The following CTNNA3 variants were observed in gnomAD, a reference collection of about 807,000 sequenced individuals.
CTNNA3 encodes the protein catenin alpha 3, also known as catenin alpha-3.
CTNNA3 carries 76 observed loss-of-function variants against 95.7 expected under a neutral mutation model. The ratio of observed to expected loss-of-function variants is 0.79; its 90% confidence interval spans 0.66 to 0.96. The LOEUF is 0.96. CTNNA3 is among the 40% of genes least tolerant of loss of function. The pLI, the probability that CTNNA3 is intolerant of heterozygous loss-of-function variation, is 0.00. For synonymous variants in CTNNA3, 431 were observed against 374.4 expected (o/e 1.15, Z -1.74); for missense variants, 1,191 against 1,089.8 (o/e 1.09, Z -1.31).
At chr10:66,732,734 A>T (rs1849000453) in intron 9 of CTNNA3, among the ~76,000 whole-genome samples, 1 of 152,072 alleles carries the variant, frequency 6.6e-6, no homozygotes, top group Admixed American at 6.5e-5. Flanking sequence ...TGGAAAATAC[A>T]ATTCAAGATG....
At chr10:66,794,657 A>G (rs1841119307) in intron 7 of CTNNA3, among the ~76,000 whole-genome samples, 2 of 152,138 alleles carry the variant, frequency 1.3e-5, no homozygotes, top group Non-Finnish European at 2.9e-5. Flanking sequence ...TGAATATAAG[A>G]TAACTAGGAA....
At chr10:67,123,623 G>A (rs1647217275) in intron 7 of CTNNA3, among the ~76,000 whole-genome samples, 1 of 152,098 alleles carries the variant, frequency 6.6e-6, no homozygotes, top group African/African-American at 2.4e-5. Context: ...CCACCTTGAA[G>A]TAACAACCTT....
At chr10:66,229,315 A>G (rs2089471361) in intron 13 of CTNNA3, among the ~76,000 whole-genome samples, 1 of 151,956 alleles carries the variant, frequency 6.6e-6, no homozygotes, top group Non-Finnish European at 1.5e-5. Flanking sequence ...TGTACCAGTG[A>G]GTTTTATACT....
chr10:66,176,074 T>G (rs1278349306), intron 13 of CTNNA3, among the ~76,000 whole-genome samples: 1 of 152,202 alleles, frequency 6.6e-6, no homozygotes, highest in Admixed American at 6.6e-5. Context: ...GTGATAATCA[T>G]TATAATTGTA....
intron 5 of CTNNA3, among the ~76,000 whole-genome samples, chr10:67,314,863 A>C (rs1469463694): frequency 6.6e-6 from 1 of 152,212 alleles, no homozygotes; most frequent in Non-Finnish European, 1.5e-5. Flanking sequence ...GTTTATCAGT[A>C]GTTTGCCTGC....
chr10:66,003,348 G>GTGTGTGGA (rs533737369), intron 15 of CTNNA3, among the ~76,000 whole-genome samples: 2 of 151,536 alleles, frequency 1.3e-5, no homozygotes, highest in Non-Finnish European at 2.9e-5. Context: ...GTGTGTGTGT[G>GTGTGTGGA]GAGAGAGAGA....
At chr10:67,158,415 C>T (rs1861399439) in intron 7 of CTNNA3, among the ~76,000 whole-genome samples, 1 of 152,164 alleles carries the variant, frequency 6.6e-6, no homozygotes, top group Non-Finnish European at 1.5e-5. Context: ...CAAGCTTTGA[C>T]TATTCTGGCC....
At chr10:67,602,192 T>TAAAAAA (rs5785827) in intron 3 of CTNNA3, among the ~76,000 whole-genome samples, 1 of 147,000 alleles carries the variant, frequency 6.8e-6, no homozygotes. Flanking sequence ...CAAATACCTT[T>TAAAAAA]AAAAAAAAAA....
At chr10:66,905,619 C>T (rs368702975) in intron 7 of CTNNA3, among the ~76,000 whole-genome samples, 1 of 152,082 alleles carries the variant, frequency 6.6e-6, no homozygotes, top group Non-Finnish European at 1.5e-5. Context: ...CACCTAATTG[C>T]CCATTGATCA....
intron 3 of CTNNA3, among the ~76,000 whole-genome samples, chr10:67,568,106 G>T (rs7099961): frequency 0.2 from 30,073 of 151,660 alleles, 4,952 homozygotes; most frequent in African/African-American, 0.46. Flanking sequence ...GTAAACTTTG[G>T]GTTAAAAAAT....
At chr10:67,073,515 C>T (rs942449689) in intron 7 of CTNNA3, among the ~76,000 whole-genome samples, 3 of 151,808 alleles carry the variant, frequency 2.0e-5, no homozygotes, top group Non-Finnish European at 2.9e-5. Flanking sequence ...GTCAACATCC[C>T]TCTTAAACAA....
At chr10:66,814,175 A>C (rs755220158) in intron 7 of CTNNA3, among the ~76,000 whole-genome samples, 2 of 151,952 alleles carry the variant, frequency 1.3e-5, no homozygotes, top group Non-Finnish European at 2.9e-5. Context: ...CCGGTATAGA[A>C]ACGTCAGAGG....
intron 5 of CTNNA3, among the ~76,000 whole-genome samples, chr10:67,383,160 T>C (rs1175946631): frequency 6.6e-6 from 1 of 152,224 alleles, no homozygotes; most frequent in African/African-American, 2.4e-5. Flanking sequence ...TCTCTATTAA[T>C]AAATTCTCAT....
chr10:67,750,144 G>A (rs1406798243), intron 1 of CTNNA3: 1 of 834,686 alleles, frequency 1.2e-6, no homozygotes, highest in African/African-American at 1.7e-5. Context: ...CCATCTTTAA[G>A]AGCTGTAACA....
chr10:67,125,702 A>G (rs1335761829), intron 7 of CTNNA3, among the ~76,000 whole-genome samples: 1 of 152,324 alleles, frequency 6.6e-6, no homozygotes, highest in South Asian at 2.1e-4. Context: ...GTTGAGAAGA[A>G]AGCAATAATG....
chr10:66,115,517 AGATAGAT>A (rs1299785636), intron 13 of CTNNA3, among the ~76,000 whole-genome samples: 96 of 144,144 alleles, frequency 6.7e-4, no homozygotes, highest in African/African-American at 2.4e-3. Context: ...ATAGATAGAT[AGATAGAT>A]GATAGATAGA....
chr10:66,287,547 C>T (rs1406152009), intron 12 of CTNNA3, among the ~76,000 whole-genome samples: 1 of 151,960 alleles, frequency 6.6e-6, no homozygotes, highest in African/African-American at 2.4e-5. Flanking sequence ...GACATACCCA[C>T]AAAACATTGC....
intron 7 of CTNNA3, among the ~76,000 whole-genome samples, chr10:66,937,518 T>C (rs2132665365): frequency 6.6e-6 from 1 of 152,286 alleles, no homozygotes. Flanking sequence ...CACTACCTAT[T>C]TTTATTTTGA....
intron 7 of CTNNA3, among the ~76,000 whole-genome samples, chr10:67,018,782 T>A (rs1332335776): frequency 6.6e-6 from 1 of 152,226 alleles, no homozygotes; most frequent in East Asian, 1.9e-4. Flanking sequence ...GCAACGCACT[T>A]AAAACAGTTC....
Sources: allele counts gnomAD v4.1 joint callset (sites outside exome capture counted in the v4.1 genomes callset), GRCh38; gene constraint gnomAD v4.1.1; transcripts MANE v1.5; gene names NCBI Gene and HGNC (gene_info 2026-07-23, HGNC 2026-07-21).